The following LSP1 variants were observed in gnomAD, a reference collection of about 807,000 sequenced individuals.
The protein encoded by LSP1 is lymphocyte-specific protein 1.
LSP1 carries 32 observed loss-of-function variants against 49.3 expected under a neutral mutation model. That is an observed-to-expected ratio of 0.65 (90% CI 0.49 to 0.87). LSP1 has a LOEUF of 0.87. Among genes scored for constraint, LSP1 ranks in the 40% least tolerant of loss-of-function variants. The probability of loss-of-function intolerance (pLI) is 0.00; values close to 1 mark genes in which losing one functional copy is unlikely to be tolerated. For synonymous variants in LSP1, 179 were observed against 178.8 expected (o/e 1.00, Z -0.01); for missense variants, 428 against 442.6 (o/e 0.97, Z 0.30).
At chr11:1,880,507 C>T (rs568418725) in intron 2 of LSP1, among the ~76,000 whole-genome samples, 4 of 152,276 alleles carry the variant, frequency 2.6e-5, no homozygotes, top group South Asian at 4.1e-4. Context: ...ACCCCAGCCA[C>T]GCAGCCTGGC....
intron 1 of LSP1, chr11:1,864,274 C>G (rs942096196): frequency 5.1e-6 from 5 of 986,320 alleles, no homozygotes; most frequent in Non-Finnish European, 6.0e-6. Flanking sequence ...TGGACAAGAA[C>G]GGCCGACGAA....
At chr11:1,858,401 C>T (rs907908043) in intron 1 of LSP1, among the ~76,000 whole-genome samples, 2 of 152,224 alleles carry the variant, frequency 1.3e-5, no homozygotes, top group African/African-American at 4.8e-5. Flanking sequence ...AAGGGACCGT[C>T]CCGAAAAGCG....
intron 1 of LSP1, chr11:1,866,593 C>A (rs1254008276): frequency 6.5e-7 from 1 of 1,550,004 alleles, no homozygotes; most frequent in Non-Finnish European, 8.7e-7. Context: ...CTCCCCCTAC[C>A]CCTGGCCCCC....
intron 1 of LSP1, among the ~76,000 whole-genome samples, chr11:1,859,722 G>A (rs1228409833): frequency 1.7e-4 from 3 of 17,332 alleles, no homozygotes; most frequent in South Asian, 4.1e-3. Context: ...CCAGCCCCCA[G>A]CACCCATGAC....
chr11:1,871,436 G>T, intron 1 of LSP1: 2 of 986,366 alleles, frequency 2.0e-6, no homozygotes, highest in Non-Finnish European at 2.4e-6. Context: ...CGCAAGGGAG[G>T]TGATGGGCTG....
chr11:1,864,430 G>A, intron 1 of LSP1: 1 of 161,286 alleles, frequency 6.2e-6, no homozygotes, highest in Non-Finnish European at 1.3e-5. Flanking sequence ...GCGGGCAGCG[G>A]CTACCAAGGT....
At chr11:1,881,281 A>T in intron 2 of LSP1, 151 bp from the exon 3 acceptor site, 1 of 721,660 alleles carries the variant, frequency 1.4e-6, no homozygotes, top group Non-Finnish European at 2.2e-6. Context: ...TATTCTGACC[A>T]CAGGAGACAC....
At chr11:1,859,898 G>A (rs1565070392) in intron 1 of LSP1, among the ~76,000 whole-genome samples, 1 of 152,168 alleles carries the variant, frequency 6.6e-6, no homozygotes, top group African/African-American at 2.4e-5. Flanking sequence ...GGGAGCCAAT[G>A]AGGCCACCAC....
intron 1 of LSP1, chr11:1,866,861 G>T (rs1019001846): frequency 2.1e-5 from 33 of 1,543,330 alleles, no homozygotes; most frequent in Middle Eastern, 1.7e-4. Flanking sequence ...GTCACCAGGG[G>T]CTCGGCCATG....
At chr11:1,853,301 G>A in intron 1 of LSP1, 104 bp downstream of exon 1, 1 of 1,304,898 alleles carries the variant, frequency 7.7e-7, no homozygotes, top group Non-Finnish European at 1.0e-6. Context: ...TGGGGAATCT[G>A]GGGCCCCCAA....
Position 1,881,418 on chromosome 11 carries a change from C to T in LSP1, c.192-14C>T, listed in dbSNP as rs201600695. ...GCAGCCGCCCAGGCCTAAGCTCCCC[C>T]CTGCTACCCTCAGCCTCAGCCTGAA... is the stretch of plus-strand genomic sequence containing the variant. On this transcript the variant is annotated splice_polypyrimidine_tract_variant and intron_variant, in intron 2 of 10. Coordinates refer to ENST00000311604, the MANE Select transcript of LSP1 (RefSeq NM_002339.3). 50 of 1,558,834 alleles carry T rather than the reference C, an allele frequency of 3.2e-5. No individual in the cohort carries two copies. The highest frequency in any genetic ancestry group is 2.5e-4 in the South Asian group (21 of 84,540).
chr11:1,859,101 C>T (rs549432511), intron 1 of LSP1, among the ~76,000 whole-genome samples: 1 of 152,280 alleles, frequency 6.6e-6, no homozygotes, highest in African/African-American at 2.4e-5. Context: ...AGCAGGGCCG[C>T]TCTGGTGGGG....
intron 1 of LSP1, chr11:1,866,824 C>G: frequency 6.5e-7 from 1 of 1,549,806 alleles, no homozygotes; most frequent in Non-Finnish European, 8.7e-7. Context: ...AGAGCCCCTG[C>G]CTGGCTGTGC....
At chr11:1,856,437 A>C (rs1323686146) in intron 1 of LSP1, among the ~76,000 whole-genome samples, 2 of 152,170 alleles carry the variant, frequency 1.3e-5, no homozygotes, top group African/African-American at 4.8e-5. Context: ...TCCTCTGCAG[A>C]CCTTCAAAGG....
chr11:1,869,315 GA>G, intron 1 of LSP1: 1 of 304,450 alleles, frequency 3.3e-6, no homozygotes, highest in South Asian at 2.8e-5. Context: ...CTCTTGACGA[GA>G]ACAAACCCTA....
intron 1 of LSP1, chr11:1,866,829 C>G: frequency 1.3e-6 from 2 of 1,549,576 alleles, no homozygotes; most frequent in Non-Finnish European, 1.7e-6. Context: ...CCCTGCCTGG[C>G]TGTGCGGTGG....
intron 1 of LSP1, among the ~76,000 whole-genome samples, chr11:1,875,816 G>A (rs888292274): frequency 1.3e-5 from 2 of 152,174 alleles, no homozygotes; most frequent in African/African-American, 4.8e-5. Flanking sequence ...CCCTCCCGCT[G>A]CCCCACCTGT....
intron 1 of LSP1, among the ~76,000 whole-genome samples, chr11:1,875,693 G>T (rs1005724440): frequency 6.6e-6 from 1 of 152,244 alleles, no homozygotes; most frequent in Admixed American, 6.5e-5. Flanking sequence ...CCAGCAGGGT[G>T]CAGCCACAAC....
chr11:1,880,083 C>T lies in LSP1; in HGVS notation c.54-4C>T. 6.2e-7 allele frequency: 1 copy of T among 1,608,420 alleles called. No homozygotes were observed. The highest frequency in any genetic ancestry group is 8.5e-7 in the Non-Finnish European group (1 of 1,177,292). ...CGTGACTGTCCCTCTGTGTCCCCCACTAGGCCCACTGCTCAGTGGAGCGTG... is the reference window on the plus strand; with the variant it reads ...CGTGACTGTCCCTCTGTGTCCCCCATTAGGCCCACTGCTCAGTGGAGCGTG... On this transcript the variant is annotated splice_region_variant and splice_polypyrimidine_tract_variant and intron_variant, in intron 1 of 10. Transcript: ENST00000311604.
Sources: gnomAD v4.1 joint callset for allele counts (sites outside exome capture counted in the v4.1 genomes callset) on GRCh38, gnomAD v4.1.1 for gene constraint, MANE v1.5 for transcripts, NCBI Gene and HGNC (gene_info 2026-07-23, HGNC 2026-07-21) for gene names.